Variants in WDR27 observed in about 807,000 individuals in gnomAD.
WDR27 encodes WD repeat domain 27.
Under a neutral mutation model 114.4 loss-of-function variants are expected in WDR27, and 100 were observed. That is an observed-to-expected ratio of 0.87 (90% CI 0.74 to 1.03). The LOEUF is 1.03. WDR27 is among the 50% of genes least tolerant of loss of function. The probability of loss-of-function intolerance (pLI) is 0.00; values close to 1 mark genes in which losing one functional copy is unlikely to be tolerated. For synonymous variants in WDR27, 449 were observed against 423.1 expected, an observed-to-expected ratio of 1.06 and a Z score of -0.75; for missense variants, 1,129 against 1,092.9, an observed-to-expected ratio of 1.03 and a Z score of -0.47.
chr6:169,484,911 C>T lies in WDR27; in HGVS notation c.2646-27277G>A, dbSNP rs558165879. ...CTTTGACAAACCTGACAAAAGCAAG[C>T]AATGGGGGAAAGGACTCCCTATTCA... On this transcript the variant is annotated intron_variant, in intron 25 of 25. Coordinates refer to ENST00000448612, the MANE Select transcript of WDR27 (RefSeq NM_182552.5). Among the ~76,000 whole-genome samples the T allele has an allele frequency of 7.4e-4, 113 of 152,226 alleles. 1 individual carries two copies. The highest frequency in any genetic ancestry group is 6.2e-4 in the South Asian group (3 of 4,822).
chr6:169,637,749 A>G (rs994439582), intron 18 of WDR27, among the ~76,000 whole-genome samples: 12 of 149,246 alleles, frequency 8.0e-5, no homozygotes, highest in African/African-American at 1.7e-4. Flanking sequence ...CGTGGTAAGT[A>G]TAAGTGTGCG....
chr6:169,609,840 G>A (rs915221665), intron 22 of WDR27, among the ~76,000 whole-genome samples: 6 of 152,062 alleles, frequency 3.9e-5, no homozygotes, highest in Non-Finnish European at 7.4e-5. Flanking sequence ...CTTTTATGCC[G>A]TTTCCCTTTT....
chr6:169,464,538 A>T (rs1320310046), intron 25 of WDR27, among the ~76,000 whole-genome samples: 3 of 152,190 alleles, frequency 2.0e-5, no homozygotes, highest in African/African-American at 4.8e-5. Context: ...AAGTGGAAAA[A>T]TTTTTTAAGT....
At position 169,647,828 on chromosome 6, in the gene WDR27, G is replaced by T; in HGVS notation, c.1602C>A (p.Gly534=). 1.3e-6 allele frequency: 2 copies of T among 1,583,444 alleles called. No individual in the cohort carries two copies. The highest frequency in any genetic ancestry group is 1.7e-6 in the Non-Finnish European group (2 of 1,165,708). The change falls in exon 16 of 26, where the codon GGC becomes GGA. Residue 534 remains glycine, a synonymous_variant. Coordinates refer to ENST00000448612, the MANE Select transcript of WDR27 (RefSeq NM_182552.5). The part of the protein sequence containing the change: ...PVECAVPTKP[G]PQVAAAPTCT... The stretch of plus-strand genomic sequence containing the variant: ...AGGTGGGGGCGGCAGCGACCTGGGG[G>T]CCGGGCTTGGTGGGCACAGCGCACT...
At chr6:169,538,026 T>A (rs1796389637) in intron 25 of WDR27, among the ~76,000 whole-genome samples, 1 of 148,628 alleles carries the variant, frequency 6.7e-6, no homozygotes, top group Non-Finnish European at 1.5e-5. Context: ...AAATTGGGTG[T>A]GTATGTGTGG....
chr6:169,608,737 T>C (rs148972862), intron 22 of WDR27, among the ~76,000 whole-genome samples: 76 of 152,268 alleles, frequency 5.0e-4, no homozygotes, highest in African/African-American at 1.7e-3. Context: ...TCTCATGTCC[T>C]CACATTTCAA....
chr6:169,481,612 G>C (rs1055191144), intron 25 of WDR27, among the ~76,000 whole-genome samples: 2 of 152,088 alleles, frequency 1.3e-5, no homozygotes, highest in Non-Finnish European at 2.9e-5. Flanking sequence ...CAACTAGAAG[G>C]AACGAACAAC....
the WDR27 span, among the ~76,000 whole-genome samples, chr6:169,446,553 G>T: frequency 6.6e-6 from 1 of 152,222 alleles, no homozygotes; most frequent in Admixed American, 6.5e-5. Context: ...ATCTGCAGGG[G>T]GCAGGAGGGA....
At chr6:169,511,915 G>A (rs549307745) in intron 25 of WDR27, among the ~76,000 whole-genome samples, 6 of 152,236 alleles carry the variant, frequency 3.9e-5, no homozygotes, top group African/African-American at 1.2e-4. Context: ...AAGGAAAGTG[G>A]AGTCTTTATA....
chr6:169,525,332 C>T (rs376090525), intron 25 of WDR27, among the ~76,000 whole-genome samples: 2 of 151,894 alleles, frequency 1.3e-5, no homozygotes, highest in Non-Finnish European at 2.9e-5. Context: ...GTCAGGAGAT[C>T]GAGACCATCC....
intron 2 of WDR27, among the ~76,000 whole-genome samples, chr6:169,676,891 C>T (rs1177716911): frequency 6.6e-6 from 1 of 152,178 alleles, no homozygotes; most frequent in Non-Finnish European, 1.5e-5. Flanking sequence ...GTAGCCTGAC[C>T]ATCACGCACA....
chr6:169,678,922 T>C (rs1780757536), intron 2 of WDR27, among the ~76,000 whole-genome samples: 1 of 152,186 alleles, frequency 6.6e-6, no homozygotes, highest in African/African-American at 2.4e-5. Context: ...GCACCCTTTT[T>C]AAGTCCAAAA....
intron 25 of WDR27, among the ~76,000 whole-genome samples, chr6:169,546,819 G>A (rs1454779270): frequency 6.6e-6 from 1 of 152,114 alleles, no homozygotes; most frequent in Non-Finnish European, 1.5e-5. Flanking sequence ...TAGGGGCGCT[G>A]GCTTACGTAA....
Position 169,647,528 on chromosome 6 carries a change from T to C in WDR27, c.1657+245A>G, listed in dbSNP as rs116603848. ...GGACACAGAACAGCAAATTCGCTGC[T>C]AGTGAGTGAGTGCCAGTGTCTGTGC... On this transcript the variant is annotated intron_variant, in intron 16 of 25. Coordinates refer to ENST00000448612, the MANE Select transcript of WDR27 (RefSeq NM_182552.5). 5.6e-3 allele frequency: 3,289 copies of C among 589,994 alleles called. 76 individuals are homozygous for C. The highest frequency in any genetic ancestry group is 0.051 in the African/African-American group (2,711 of 52,922). The allele number at this position is 589,994 out of a possible 1,614,324, so 36.5% of individuals were successfully genotyped here. A position where few individuals can be genotyped will look rare whatever the true frequency, so the allele number is the denominator to read the frequency against.
At chr6:169,436,778 T>C in the WDR27 span, among the ~76,000 whole-genome samples, 1 of 152,084 alleles carries the variant, frequency 6.6e-6, no homozygotes. Context: ...AATTAATGTT[T>C]CTTTATTTTT....
intron 24 of WDR27, among the ~76,000 whole-genome samples, chr6:169,574,140 G>C (rs546009810): frequency 1.3e-5 from 2 of 152,382 alleles, no homozygotes; most frequent in Non-Finnish European, 2.9e-5. Flanking sequence ...GGACACCCAG[G>C]TGTGCTTCAG....
At chr6:169,585,252 G>A (rs886866362) in intron 23 of WDR27, among the ~76,000 whole-genome samples, 2 of 152,142 alleles carry the variant, frequency 1.3e-5, no homozygotes, top group Non-Finnish European at 2.9e-5. Flanking sequence ...TATTTTGAAC[G>A]TCAGAAGAAA....
At chr6:169,491,046 C>T (rs896517258) in intron 25 of WDR27, among the ~76,000 whole-genome samples, 2 of 152,102 alleles carry the variant, frequency 1.3e-5, no homozygotes, top group African/African-American at 4.8e-5. Flanking sequence ...TTCCAAGTAG[C>T]AAATCCACTC....
At chr6:169,687,041 G>A (rs1259895786) in intron 2 of WDR27, among the ~76,000 whole-genome samples, 1 of 152,060 alleles carries the variant, frequency 6.6e-6, no homozygotes, top group Admixed American at 6.6e-5. Flanking sequence ...AATACAGTTA[G>A]ATAGTAAGAA....
Sources: allele counts gnomAD v4.1 joint callset (sites outside exome capture counted in the v4.1 genomes callset), GRCh38; gene constraint gnomAD v4.1.1; transcripts MANE v1.5; gene names NCBI Gene and HGNC (gene_info 2026-07-23, HGNC 2026-07-21).